ACSM2A: variants seen among roughly 807,000 people sequenced by gnomAD.
ACSM2A encodes acyl-coenzyme A synthetase ACSM2A, mitochondrial.
In ACSM2A, 72 loss-of-function variants were observed where a neutral mutation model predicts 76.6. That is an observed-to-expected ratio of 0.94 (90% CI 0.78 to 1.14). The LOEUF is 1.14. Among genes scored for constraint, ACSM2A ranks in the 50% most tolerant of loss-of-function variants. ACSM2A has a pLI of 0.00. For synonymous variants in ACSM2A, 249 were observed against 255.9 expected (o/e 0.97, Z 0.26); for missense variants, 684 against 708.5 (o/e 0.97, Z 0.39).
rs547805806 is a variant in ACSM2A, at chr16:20,452,988, G to A, written c.-9+1307G>A. On this transcript the variant is annotated intron_variant, in intron 1 of 13. Coordinates refer to ENST00000573854, the MANE Select transcript of ACSM2A (RefSeq NM_001308172.2). ...GTTGCTCCTAAGTTCAGTGGATAAA[G>A]TGATGAAAGAAAATGATGAACTCGG... Among the ~76,000 whole-genome samples, 4 of 152,230 alleles carry A rather than the reference G, an allele frequency of 2.6e-5. No homozygotes were observed. In the East Asian group the frequency reaches 5.8e-4, roughly 22 times the overall value.
chr16:20,483,083 C>G lies in ACSM2A; in HGVS notation c.1535C>G (p.Ala512Gly), dbSNP rs776825713. Residue 512 changes from alanine to glycine, a missense_variant, in exon 13 of 14, where the codon GCC (alanine) becomes GGC (glycine). Transcript: ENST00000573854. ...GTGGTGAAGGCATTTGTGGTCCTGG[C>G]CTCGCAGTTCCTGTCCCATGACCCA... ...GEVVKAFVVL[A>G]SQFLSHDPEQ... 1.2e-6 allele frequency: 2 copies of G among 1,613,956 alleles called. No homozygotes were observed. The highest frequency in any genetic ancestry group is 2.2e-5 in the East Asian group (1 of 44,874).
At chr16:20,463,272 A>G (rs566834830) in intron 2 of ACSM2A, among the ~76,000 whole-genome samples, 1 of 152,138 alleles carries the variant, frequency 6.6e-6, no homozygotes, top group Non-Finnish European at 1.5e-5. Context: ...CCAAAAAAAA[A>G]AGAGAATATT....
intron 9 of ACSM2A, among the ~76,000 whole-genome samples, chr16:20,477,700 C>T (rs375909113): frequency 1.3e-4 from 20 of 152,142 alleles, no homozygotes; most frequent in East Asian, 5.8e-4. Flanking sequence ...CTAGACAGTA[C>T]ACAAGTATAT....
At position 20,486,756 on chromosome 16, in the gene ACSM2A, T is replaced by C. The variant is rs2014403519; in HGVS notation, c.*78T>C. The C allele has an allele frequency of 1.3e-5, 20 of 1,514,494 alleles. No individual in the cohort carries two copies. Among genetic ancestry groups the C allele is most frequent in the Admixed American group, 1.8e-5 (1 of 55,808 alleles). The allele number at this position is 1,514,494 out of a possible 1,614,324, so 93.8% of individuals were successfully genotyped here. Reference sequence around the variant, plus strand: ...CTTTGGGCCCTTGGCCTTCCTATGATTATATGAGATTCTTTATGGAAGAAC... The same window carrying C: ...CTTTGGGCCCTTGGCCTTCCTATGACTATATGAGATTCTTTATGGAAGAAC... On this transcript the variant is annotated 3_prime_UTR_variant, in exon 14 of 14. Coordinates refer to ENST00000573854, the MANE Select transcript of ACSM2A (RefSeq NM_001308172.2).
chr16:20,473,773 C>T (rs1470759464), intron 6 of ACSM2A, among the ~76,000 whole-genome samples: 2 of 151,980 alleles, frequency 1.3e-5, no homozygotes, highest in East Asian at 3.9e-4. Flanking sequence ...GGGAGTGGGA[C>T]ATGCCTCATT....
chr16:20,470,819 T>C, intron 4 of ACSM2A: 1 of 655,832 alleles, frequency 1.5e-6, no homozygotes, highest in Non-Finnish European at 2.8e-6. Context: ...TTTGCAGATA[T>C]AAAGTCAGAC....
chr16:20,459,482 G>T (rs1461589018), intron 1 of ACSM2A, among the ~76,000 whole-genome samples: 2 of 152,110 alleles, frequency 1.3e-5, no homozygotes, highest in Non-Finnish European at 2.9e-5. Context: ...TTCCCCTATG[G>T]GTCTGTGTGT....
intron 2 of ACSM2A, among the ~76,000 whole-genome samples, chr16:20,464,043 A>G (rs1381215005): frequency 6.6e-6 from 1 of 152,166 alleles, no homozygotes; most frequent in African/African-American, 2.4e-5. Flanking sequence ...CTTTGCTAAA[A>G]TATAGGAAGG....
chr16:20,483,000 T>C (rs1438572922), intron 12 of ACSM2A, 58 bp from the exon 13 acceptor site: 1 of 1,591,412 alleles, frequency 6.3e-7, no homozygotes, highest in Non-Finnish European at 8.6e-7. Flanking sequence ...TTTCACATTA[T>C]TCCAGGAGAT....
intron 12 of ACSM2A, 176 bp downstream of exon 12, chr16:20,481,097 C>T (rs1315159920): frequency 1.6e-4 from 123 of 766,094 alleles, no homozygotes; most frequent in African/African-American, 1.3e-3. Context: ...TCTCAGTTTC[C>T]CCATCTGTAA....
intron 6 of ACSM2A, 80 bp from the exon 7 acceptor site, chr16:20,475,282 C>A: frequency 1.2e-6 from 2 of 1,607,860 alleles, no homozygotes; most frequent in Non-Finnish European, 1.7e-6. Flanking sequence ...CTCCATAGCT[C>A]ACAATTGTAA....
intron 1 of ACSM2A, among the ~76,000 whole-genome samples, chr16:20,456,729 C>A (rs1271583064): frequency 6.7e-6 from 1 of 148,584 alleles, no homozygotes; most frequent in Non-Finnish European, 1.5e-5. Context: ...AATCTAAGGC[C>A]ACACCTCAAG....
intron 1 of ACSM2A, among the ~76,000 whole-genome samples, chr16:20,457,889 G>A (rs1054622886): frequency 6.6e-6 from 1 of 151,968 alleles, no homozygotes; most frequent in African/African-American, 2.4e-5. Flanking sequence ...GCTGTTTGCT[G>A]TTAATATGAT....
At chr16:20,486,520 G>A (rs2014389975) in intron 13 of ACSM2A, 54 bp from the exon 14 acceptor site, 1 of 1,598,228 alleles carries the variant, frequency 6.3e-7, no homozygotes, top group South Asian at 1.1e-5. Flanking sequence ...TCTGAAAAAT[G>A]CAACCCACTG....
chr16:20,486,609 A>G lies in ACSM2A; in HGVS notation c.1665A>G (p.Thr555=). The G allele has an allele frequency of 1.9e-6, 3 of 1,614,204 alleles. No individual in the cohort carries two copies. Among genetic ancestry groups the G allele is most frequent in the Non-Finnish European group, 2.5e-6 (3 of 1,180,018 alleles). Residue 555 remains threonine (T), a synonymous_variant, in exon 14 of 14, where the codon ACA becomes ACG. Coordinates refer to ENST00000573854, the MANE Select transcript of ACSM2A (RefSeq NM_001308172.2). ...EFVLNLPKTV[T]GKIQRAKLRD... ...TCTTGAACCTGCCCAAGACTGTCAC[A>G]GGGAAAATTCAACGAGCCAAGCTTC...
Position 20,480,363 on chromosome 16 carries a change from G to C in ACSM2A, c.1282-210G>C, listed in dbSNP as rs4410064. On this transcript the variant is annotated intron_variant, in intron 10 of 13. Transcript: ENST00000573854. ...ACTGGACCTAGAGGAGTAGCTGAGA[G>C]ACCCTGGGTGGAATAACTTCAATAA... is the stretch of plus-strand genomic sequence containing the variant. Among the ~76,000 whole-genome samples, 505 of 152,232 alleles carry C rather than the reference G, an allele frequency of 3.3e-3. 5 individuals carry two copies. Among genetic ancestry groups the C allele is most frequent in the African/African-American group, 0.01 (435 of 41,508 alleles).
intron 13 of ACSM2A, among the ~76,000 whole-genome samples, chr16:20,483,427 C>T (rs112576998): frequency 0.05 from 7,505 of 151,244 alleles, 594 homozygotes; most frequent in African/African-American, 0.17. Context: ...AAAATTAGCC[C>T]GGTGTAGTGG....
chr16:20,471,280 A>G, intron 5 of ACSM2A, 64 bp downstream of exon 5: 1 of 1,575,992 alleles, frequency 6.3e-7, no homozygotes, highest in Non-Finnish European at 8.6e-7. Context: ...GGAGAATGAG[A>G]CCCAATTATA....
intron 10 of ACSM2A, among the ~76,000 whole-genome samples, 158 bp from the exon 11 acceptor site, chr16:20,480,415 G>C (rs1018629720): frequency 2.0e-5 from 3 of 152,218 alleles, no homozygotes; most frequent in African/African-American, 7.2e-5. Context: ...TCTGCCTGTG[G>C]CCTAGGGTTG....
Sources: gnomAD v4.1 joint callset for allele counts (sites outside exome capture counted in the v4.1 genomes callset) on GRCh38, gnomAD v4.1.1 for gene constraint, MANE v1.5 for transcripts, NCBI Gene and HGNC (gene_info 2026-07-23, HGNC 2026-07-21) for gene names.